The following RIN2 variants were observed in gnomAD, a reference collection of about 807,000 sequenced individuals.
RIN2 encodes Ras and Rab interactor 2, also known as RAB5 interacting protein 2.
RIN2 carries 36 observed loss-of-function variants against 78.0 expected under a neutral mutation model. The ratio of observed to expected loss-of-function variants is 0.46; its 90% CI spans 0.35 to 0.61. The LOEUF (loss-of-function observed/expected upper bound fraction) is 0.61. Ranked by LOEUF, RIN2 falls within the 20% of genes least tolerant of loss-of-function variation. The pLI is 0.00. For synonymous variants in RIN2, 466 were observed against 466.8 expected (o/e 1.00, Z 0.02); for missense variants, 1,087 against 1,159.7 (o/e 0.94, Z 0.91).
At chr20:19,954,392 C>A (rs1304723972) in intron 4 of RIN2, among the ~76,000 whole-genome samples, 1 of 152,148 alleles carries the variant, frequency 6.6e-6, no homozygotes, top group Non-Finnish European at 1.5e-5. Context: ...GGTCTGGTGT[C>A]CCTTGGCTGC....
chr20:19,987,081 G>A (rs538053093), intron 9 of RIN2, among the ~76,000 whole-genome samples: 24 of 152,320 alleles, frequency 1.6e-4, no homozygotes, highest in Admixed American at 6.5e-4. Flanking sequence ...ACAGCCTTGC[G>A]TTCATGAGAT....
chr20:19,927,386 T>C (rs769160680), intron 3 of RIN2, among the ~76,000 whole-genome samples: 1 of 152,076 alleles, frequency 6.6e-6, no homozygotes, highest in African/African-American at 2.4e-5. Flanking sequence ...TAGCTGGGAC[T>C]ACAAGGCACA....
chr20:19,829,002 T>C (rs976768657), intron 2 of RIN2, among the ~76,000 whole-genome samples: 8 of 152,182 alleles, frequency 5.3e-5, no homozygotes, highest in African/African-American at 1.7e-4. Context: ...ACGTTTAATA[T>C]ACTAATGATT....
At chr20:19,803,371 A>G (rs567774544) in intron 2 of RIN2, among the ~76,000 whole-genome samples, 1 of 152,350 alleles carries the variant, frequency 6.6e-6, no homozygotes, top group Admixed American at 6.5e-5. Flanking sequence ...CCAAAACAGC[A>G]TGATACTGGT....
chr20:19,778,270 A>G (rs2034380983), intron 1 of RIN2, among the ~76,000 whole-genome samples: 1 of 152,268 alleles, frequency 6.6e-6, no homozygotes, highest in Non-Finnish European at 1.5e-5. Flanking sequence ...TTGAGATAAC[A>G]AAAGACCCTA....
At chr20:19,933,394 A>G (rs137989309) in intron 3 of RIN2, among the ~76,000 whole-genome samples, 43 of 152,226 alleles carry the variant, frequency 2.8e-4, no homozygotes, top group African/African-American at 9.6e-4. Flanking sequence ...CTTGTCATTC[A>G]AGGCTCTATC....
intron 2 of RIN2, among the ~76,000 whole-genome samples, chr20:19,868,214 C>T (rs919746777): frequency 6.6e-6 from 1 of 152,220 alleles, no homozygotes; most frequent in Non-Finnish European, 1.5e-5. Context: ...CAGGGCTGCC[C>T]AAGTGGCAGG....
chr20:19,935,003 T>C (rs944023411), intron 3 of RIN2, 96 bp from the exon 4 acceptor site: 47 of 808,532 alleles, frequency 5.8e-5, no homozygotes, highest in Non-Finnish European at 9.9e-5. Flanking sequence ...AAGATGGTCA[T>C]CTCTGTTCCT....
chr20:19,998,282 AT>A (rs35675025), intron 12 of RIN2, among the ~76,000 whole-genome samples: 13,407 of 144,030 alleles, frequency 0.093, 1,642 homozygotes, highest in East Asian at 0.61. Context: ...GCGCCTGGCC[AT>A]TTTTTTTTTT....
intron 2 of RIN2, among the ~76,000 whole-genome samples, chr20:19,811,636 G>T (rs946667679): frequency 6.6e-6 from 1 of 152,162 alleles, no homozygotes; most frequent in Non-Finnish European, 1.5e-5. Context: ...GAAACTGTAT[G>T]CCTACAAGGT....
At position 20,002,009 on chromosome 20, in the gene RIN2, A is replaced by G. The variant is rs1369507735; in HGVS notation, c.*1073A>G. ...AGAAGAACACTTTTCTCCCTTTTCC[A>G]TACAAATTAAAACTTAACAGCATCA... On this transcript the variant is annotated 3_prime_UTR_variant, in exon 13 of 13. Coordinates refer to ENST00000255006, the MANE Select transcript of RIN2 (RefSeq NM_018993.4). 1 of 152,614 alleles carries G rather than the reference A, an allele frequency of 6.6e-6. No homozygotes were observed. The highest frequency in any genetic ancestry group is 2.4e-5 in the African/African-American group (1 of 41,454). The allele number at this position is 152,614 out of a possible 1,614,324, so 9.5% of individuals were successfully genotyped here.
At chr20:19,773,885 A>T (rs2034221225) in intron 1 of RIN2, among the ~76,000 whole-genome samples, 1 of 149,418 alleles carries the variant, frequency 6.7e-6, no homozygotes, top group African/African-American at 2.4e-5. Flanking sequence ...AATAATATAT[A>T]CTAGATGATA....
At position 19,975,751 on chromosome 20, in the gene RIN2, C is replaced by G. The variant is rs777337752; in HGVS notation, c.1726C>G (p.Pro576Ala). 6.8e-6 allele frequency: 11 copies of G among 1,612,136 alleles called. No individual in the cohort carries two copies. The highest frequency in any genetic ancestry group is 1.1e-5 in the South Asian group (1 of 90,872). ...TTTGTCTCAGAGCTCGGAGCTGGAC[C>G]CCCCCATCGAGTCGCTGATCCCTGA... The part of the protein sequence containing the change: ...NYLSQSSELD[P>A]PIESLIPEDQ... The change falls in exon 9 of 13, where the codon CCC becomes GCC. Residue 576 changes from proline (P) to alanine (A), a missense_variant. Physicochemically the swap from Pro to Ala is conservative, Grantham distance 27 (BLOSUM62 -1). Transcript: ENST00000255006. The surrounding 1 kb of genome is among the most constrained non-coding windows in gnomAD (Gnocchi z 4.9).
At position 20,001,302 on chromosome 20, in the gene RIN2, C is replaced by T. The variant is rs539845346; in HGVS notation, c.*366C>T. 8.6e-5 allele frequency: 14 copies of T among 163,344 alleles called. No individual in the cohort carries two copies. Among genetic ancestry groups the T allele is most frequent in the Middle Eastern group, 2.7e-3 (1 of 366 alleles). The allele number at this position is 163,344 out of a possible 1,614,324, so 10.1% of individuals were successfully genotyped here. A position where few individuals can be genotyped will look rare whatever the true frequency, so the allele number is the denominator to read the frequency against. On this transcript the variant is annotated 3_prime_UTR_variant, in exon 13 of 13. Coordinates refer to ENST00000255006, the MANE Select transcript of RIN2 (RefSeq NM_018993.4). ...AACAGCAGATGCTTGCGATGCAGTG[C>T]GTCAGGTGATTCTCACTCCTGTGGA...
chr20:19,860,665 C>T (rs1352471142), intron 2 of RIN2, among the ~76,000 whole-genome samples: 4 of 152,186 alleles, frequency 2.6e-5, no homozygotes, highest in Non-Finnish European at 4.4e-5. Flanking sequence ...GTTGTCTTCT[C>T]CTCTTGGGAC....
At chr20:19,902,813 G>C (rs915478842) in intron 3 of RIN2, among the ~76,000 whole-genome samples, 1 of 152,090 alleles carries the variant, frequency 6.6e-6, no homozygotes, top group Non-Finnish European at 1.5e-5. Context: ...TTTAAATTTG[G>C]CCGGGCACGG....
intron 9 of RIN2, among the ~76,000 whole-genome samples, chr20:19,981,792 T>G (rs915483805): frequency 7.9e-5 from 12 of 152,214 alleles, no homozygotes; most frequent in African/African-American, 2.7e-4. Context: ...CCTTCAGTAT[T>G]TATTATTTAT....
chr20:19,947,022 T>TAAAAAAA (rs35136029), intron 4 of RIN2, among the ~76,000 whole-genome samples: 1 of 116,164 alleles, frequency 8.6e-6, no homozygotes, highest in African/African-American at 3.2e-5. Context: ...CAGACTGTCT[T>TAAAAAAA]AAAAAAAAAA....
chr20:19,971,300 G>C (rs416425), intron 8 of RIN2, among the ~76,000 whole-genome samples: 61,972 of 151,628 alleles, frequency 0.41, 14,095 homozygotes, highest in African/African-American at 0.62. Flanking sequence ...TCGTTCAATT[G>C]TTGTCCTGCT....
Sources: gnomAD v4.1 joint callset for allele counts (sites outside exome capture counted in the v4.1 genomes callset) on GRCh38, gnomAD v4.1.1 for gene constraint, Gnocchi (gnomAD v3.1) non-coding constraint, MANE v1.5 for transcripts, NCBI Gene and HGNC (gene_info 2026-07-23, HGNC 2026-07-21) for gene names.